DLG1: variants seen among roughly 807,000 people sequenced by gnomAD.
DLG1 encodes the protein discs large MAGUK scaffold protein 1.
DLG1 carries 42 observed loss-of-function variants against 123.4 expected under a neutral mutation model. The observed-to-expected ratio is 0.34, with a 90% CI of 0.27 to 0.44. The LOEUF (loss-of-function observed/expected upper bound fraction) is 0.44, where lower values mean the gene tolerates loss of function less well. DLG1 is among the 20% of genes least tolerant of loss of function. DLG1 has a pLI of 1.00. For synonymous variants in DLG1, 317 were observed against 356.2 expected, an observed-to-expected ratio of 0.89 and a Z score of 1.24; for missense variants, 942 against 1,082.6, an observed-to-expected ratio of 0.87 and a Z score of 1.82.
chr3:197,083,897 C>T (rs1023672393), intron 16 of DLG1, among the ~76,000 whole-genome samples: 1 of 152,094 alleles, frequency 6.6e-6, no homozygotes, highest in African/African-American at 2.4e-5. Context: ...TAGCTTGAGC[C>T]CAGGAGTCTG....
chr3:197,122,681 T>C (rs537433178), intron 11 of DLG1, among the ~76,000 whole-genome samples: 9 of 152,086 alleles, frequency 5.9e-5, no homozygotes, highest in Non-Finnish European at 7.4e-5. Flanking sequence ...ACATTTATAA[T>C]AGCATGAAAA....
At chr3:197,147,464 ACACAC>A (rs1423953905) in intron 6 of DLG1, among the ~76,000 whole-genome samples, 2 of 125,890 alleles carry the variant, frequency 1.6e-5, no homozygotes, top group African/African-American at 5.9e-5. Flanking sequence ...ACACACACAC[ACACAC>A]ACCATGGAAT....
intron 11 of DLG1, 141 bp downstream of exon 11, chr3:197,130,384 AAT>A: frequency 1.4e-6 from 1 of 714,990 alleles, no homozygotes; most frequent in Non-Finnish European, 2.0e-6. Context: ...GATTTTAAAA[AAT>A]GAGTAGATTA....
At chr3:197,232,190 T>C (rs769016486) in intron 4 of DLG1, among the ~76,000 whole-genome samples, 2 of 151,910 alleles carry the variant, frequency 1.3e-5, no homozygotes, top group African/African-American at 2.4e-5. Flanking sequence ...TGTTCTGTCA[T>C]AGTAATGGGT....
chr3:197,205,372 T>G (rs181144661), intron 4 of DLG1, among the ~76,000 whole-genome samples: 5 of 152,256 alleles, frequency 3.3e-5, no homozygotes, highest in African/African-American at 4.8e-5. Context: ...CAATCTCACT[T>G]ATGAATGTAA....
intron 4 of DLG1, among the ~76,000 whole-genome samples, chr3:197,265,187 T>C (rs772045693): frequency 6.6e-6 from 1 of 152,226 alleles, no homozygotes; most frequent in South Asian, 2.1e-4. Context: ...CACCCTGTAA[T>C]ATGAGCTACT....
At chr3:197,096,236 G>A (rs1760567836) in intron 14 of DLG1, among the ~76,000 whole-genome samples, 1 of 152,140 alleles carries the variant, frequency 6.6e-6, no homozygotes, top group Admixed American at 6.5e-5. Flanking sequence ...CAGTATTACA[G>A]GATTCATGTT....
At chr3:197,102,442 C>T (rs1044296738) in intron 14 of DLG1, among the ~76,000 whole-genome samples, 4 of 152,160 alleles carry the variant, frequency 2.6e-5, no homozygotes, top group South Asian at 4.1e-4. Context: ...ATCAGAGTGT[C>T]GGATGACTCC....
chr3:197,065,443 T>C lies in DLG1; in HGVS notation c.2206A>G (p.Thr736Ala). 1 of 1,592,266 alleles carries C rather than the reference T, an allele frequency of 6.3e-7. No individual in the cohort carries two copies. The highest frequency in any genetic ancestry group is 2.2e-5 in the East Asian group (1 of 44,668). Reference protein sequence around the residue: ...DKFGSCVPHTTRPKRDYEVDG... With the variant: ...DKFGSCVPHTARPKRDYEVDG... ...ACCTCATAATCTCGTTTTGGTCTAG[T>C]TGTATCTTTAACAGAAAAAAACTTG... Residue 736 changes from threonine (T) to alanine (A), a missense_variant, in exon 22 of 25, where the codon ACT becomes GCT. Physicochemically the swap from Thr to Ala is moderately conservative, Grantham distance 58 (BLOSUM62 0). Transcript: ENST00000667157.
intron 22 of DLG1, among the ~76,000 whole-genome samples, chr3:197,064,869 T>C (rs533575314): frequency 6.6e-6 from 1 of 151,924 alleles, no homozygotes; most frequent in Non-Finnish European, 1.5e-5. Context: ...TTCAGTGGCA[T>C]GCTCATAGCT....
At chr3:197,118,564 C>CA (rs1428575879) in intron 12 of DLG1, among the ~76,000 whole-genome samples, 3 of 152,086 alleles carry the variant, frequency 2.0e-5, no homozygotes, top group Non-Finnish European at 2.9e-5. Context: ...ATAATGTAAT[C>CA]AATAAACGTT....
At chr3:197,074,887 G>T (rs1049036029) in intron 18 of DLG1, among the ~76,000 whole-genome samples, 1 of 152,056 alleles carries the variant, frequency 6.6e-6, no homozygotes, top group East Asian at 1.9e-4. Context: ...ATTAATGTAG[G>T]TCTTAGAAAG....
chr3:197,109,036 T>G (rs1341474353), intron 13 of DLG1, among the ~76,000 whole-genome samples: 1 of 152,188 alleles, frequency 6.6e-6, no homozygotes, highest in Non-Finnish European at 1.5e-5. Context: ...GTCATTTTCT[T>G]AGTGGTTATC....
At chr3:197,132,227 C>T (rs1783008375) in intron 10 of DLG1, among the ~76,000 whole-genome samples, 1 of 151,474 alleles carries the variant, frequency 6.6e-6, no homozygotes, top group Non-Finnish European at 1.5e-5. Flanking sequence ...TTAATTTCTG[C>T]TCTAATCTTT....
intron 4 of DLG1, among the ~76,000 whole-genome samples, chr3:197,215,906 A>G (rs1733900743): frequency 6.6e-6 from 1 of 152,188 alleles, no homozygotes; most frequent in Admixed American, 6.5e-5. Context: ...GCAATTCTTT[A>G]TACCTACATA....
chr3:197,196,969 T>C (rs933678660), intron 4 of DLG1, among the ~76,000 whole-genome samples: 1 of 152,224 alleles, frequency 6.6e-6, no homozygotes, highest in South Asian at 2.1e-4. Flanking sequence ...CGTATGTAAT[T>C]TGGAGGGAAG....
intron 5 of DLG1, among the ~76,000 whole-genome samples, chr3:197,189,054 A>C (rs530387107): frequency 1.3e-5 from 2 of 152,360 alleles, no homozygotes; most frequent in African/African-American, 4.8e-5. Context: ...AGTCTTAATC[A>C]TTCTTAAATT....
chr3:197,062,952 TC>T (rs1736857824), intron 22 of DLG1, among the ~76,000 whole-genome samples: 5 of 152,248 alleles, frequency 3.3e-5, no homozygotes, highest in African/African-American at 1.2e-4. Context: ...CAAACCTCAC[TC>T]CCACTACTGC....
Position 197,273,533 on chromosome 3 carries a change from C to T in DLG1, c.318+9146G>A, listed in dbSNP as rs868526681. ...GATTACAGGCGTGAGCCACCGCACC[C>T]GGCTGAATATATACTTTTAACTCTA... On this transcript the variant is annotated intron_variant, in intron 4 of 24. Transcript: ENST00000667157. Among the ~76,000 whole-genome samples the T allele has an allele frequency of 6.6e-5, 10 of 152,118 alleles. 1 individual carries two copies. The South Asian group carries it at 1.5e-3, about 22-fold the overall frequency.
Sources: allele counts gnomAD v4.1 joint callset (sites outside exome capture counted in the v4.1 genomes callset), GRCh38; gene constraint gnomAD v4.1.1; transcripts MANE v1.5; gene names NCBI Gene and HGNC (gene_info 2026-07-23, HGNC 2026-07-21).